Variants in CAMKMT observed in about 807,000 individuals in gnomAD.
The protein encoded by CAMKMT is calmodulin-lysine N-methyltransferase.
A neutral mutation model predicts 48.0 loss-of-function variants in CAMKMT; 53 were observed. The observed-to-expected ratio is 1.10, with a 90% CI of 0.89 to 1.39. The LOEUF (loss-of-function observed/expected upper bound fraction) is 1.39, where lower values mean the gene tolerates loss of function less well. Among genes scored for constraint, CAMKMT ranks in the 40% most tolerant of loss-of-function variants. The pLI, the probability that CAMKMT is intolerant of heterozygous loss-of-function variation, is 0.00. For synonymous variants in CAMKMT, 165 were observed against 152.3 expected, an observed-to-expected ratio of 1.08 and a Z score of -0.61; for missense variants, 428 against 402.7, an observed-to-expected ratio of 1.06 and a Z score of -0.54.
chr2:44,673,504 A>AGGAAGGAAGGAAGGAG (rs1675472794), intron 3 of CAMKMT, among the ~76,000 whole-genome samples: 1 of 143,960 alleles, frequency 6.9e-6, no homozygotes, highest in African/African-American at 2.6e-5. Context: ...GAAGGAAGGA[A>AGGAAGGAAGGAAGGAG]GGAAGGAAGG....
intron 3 of CAMKMT, among the ~76,000 whole-genome samples, chr2:44,612,707 T>C (rs2103901507): frequency 6.6e-6 from 1 of 152,346 alleles, no homozygotes; most frequent in African/African-American, 2.4e-5. Flanking sequence ...GATGAAAGGT[T>C]GATTCTGGAG....
chr2:44,478,565 A>G (rs912823436), intron 3 of CAMKMT, among the ~76,000 whole-genome samples: 6 of 152,224 alleles, frequency 3.9e-5, no homozygotes, highest in African/African-American at 1.2e-4. Context: ...AACATTTAAA[A>G]TGCTTTCAAA....
intron 6 of CAMKMT, 28 bp downstream of exon 6, chr2:44,707,490 T>G (rs1429272466): frequency 8.1e-6 from 13 of 1,595,688 alleles, no homozygotes; most frequent in Non-Finnish European, 1.0e-5. Context: ...GAAAACGGGT[T>G]TGTTGTGCTC....
At chr2:44,770,326 C>T (rs574861478) in intron 10 of CAMKMT, among the ~76,000 whole-genome samples, 4 of 152,240 alleles carry the variant, frequency 2.6e-5, no homozygotes, top group African/African-American at 7.2e-5. Flanking sequence ...ACAGGCAAGA[C>T]GGGGCTGGCC....
chr2:44,388,723 G>A (rs530279368), intron 2 of CAMKMT, among the ~76,000 whole-genome samples: 18 of 152,264 alleles, frequency 1.2e-4, no homozygotes, highest in African/African-American at 3.9e-4. Context: ...TACTCTCCCC[G>A]TTTTCCTATG....
At chr2:44,700,631 T>G (rs939078779) in intron 3 of CAMKMT, among the ~76,000 whole-genome samples, 2 of 152,206 alleles carry the variant, frequency 1.3e-5, no homozygotes, top group Non-Finnish European at 2.9e-5. Context: ...TGATTAAGTT[T>G]GCTAGCTATC....
rs145489852 is a variant in CAMKMT, at chr2:44,629,664, A to G, written c.377-74619A>G. Among the ~76,000 whole-genome samples, 292 of 152,116 alleles carry G rather than the reference A, an allele frequency of 1.9e-3. No homozygotes were observed. In the Middle Eastern group the frequency reaches 0.024, roughly 12 times the overall value. On this transcript the variant is annotated intron_variant, in intron 3 of 10. Transcript: ENST00000378494. ...TTCACAATTGCTTCAAAGAGAATAAAATACCTAGGAATCCACCTTACAATG... is the reference window on the plus strand; with the variant it reads ...TTCACAATTGCTTCAAAGAGAATAAGATACCTAGGAATCCACCTTACAATG...
rs188407680 is a variant in CAMKMT, at chr2:44,383,504, A to G, written c.312-6737A>G. Among the ~76,000 whole-genome samples the G allele has an allele frequency of 3.2e-3, 484 of 151,802 alleles. 2 individuals are homozygous for G. The highest frequency in any genetic ancestry group is 0.011 in the African/African-American group (466 of 41,356). ...AATTTCAATTTTCATTTTTTTCCATAAGTTATTGGGGTATAGGTGGTATTT... is the reference window on the plus strand; with the variant it reads ...AATTTCAATTTTCATTTTTTTCCATGAGTTATTGGGGTATAGGTGGTATTT... On this transcript the variant is annotated intron_variant, in intron 2 of 10. Coordinates refer to ENST00000378494, the MANE Select transcript of CAMKMT (RefSeq NM_024766.5).
intron 3 of CAMKMT, among the ~76,000 whole-genome samples, chr2:44,546,087 C>T (rs1667379201): frequency 6.7e-6 from 1 of 148,640 alleles, no homozygotes; most frequent in South Asian, 2.2e-4. Flanking sequence ...AGAGAGTTAT[C>T]TTTTGTCTAT....
chr2:44,535,447 A>G (rs1226865164), intron 3 of CAMKMT, among the ~76,000 whole-genome samples: 2 of 152,182 alleles, frequency 1.3e-5, no homozygotes, highest in East Asian at 1.9e-4. Context: ...AACAAAAACT[A>G]CAGGCCAATA....
chr2:44,705,307 C>G, intron 4 of CAMKMT: 1 of 982,088 alleles, frequency 1.0e-6, no homozygotes, highest in Non-Finnish European at 1.2e-6. Flanking sequence ...TGCTTTTTTT[C>G]TCCTCTTGAG....
At chr2:44,683,839 A>AG (rs1462033222) in intron 3 of CAMKMT, among the ~76,000 whole-genome samples, 7 of 148,854 alleles carry the variant, frequency 4.7e-5, no homozygotes, top group South Asian at 2.1e-4. Flanking sequence ...AAAAAAAAAA[A>AG]AAAAGAAAAA....
intron 3 of CAMKMT, chr2:44,631,686 T>A: frequency 2.5e-6 from 1 of 400,510 alleles, no homozygotes; most frequent in Non-Finnish European, 4.4e-6. Context: ...ATTGTACTGT[T>A]TAATTGAACT....
At chr2:44,596,012 G>T (rs1670633440) in intron 3 of CAMKMT, among the ~76,000 whole-genome samples, 1 of 151,888 alleles carries the variant, frequency 6.6e-6, no homozygotes, top group Admixed American at 6.6e-5. Flanking sequence ...GGGAGGAGTA[G>T]CATTAGGAGA....
At chr2:44,771,286 A>G (rs542394035) in intron 10 of CAMKMT, among the ~76,000 whole-genome samples, 17 of 152,334 alleles carry the variant, frequency 1.1e-4, no homozygotes, top group African/African-American at 1.7e-4. Context: ...CCAACTTCAA[A>G]AATATTAATT....
chr2:44,602,974 C>T (rs1572898136), intron 3 of CAMKMT, among the ~76,000 whole-genome samples: 1 of 152,058 alleles, frequency 6.6e-6, no homozygotes, highest in Middle Eastern at 3.4e-3. Flanking sequence ...GTATATTCCT[C>T]TCACCCAAGT....
intron 3 of CAMKMT, among the ~76,000 whole-genome samples, chr2:44,444,121 A>G (rs1485830922): frequency 6.6e-6 from 1 of 152,196 alleles, no homozygotes; most frequent in Non-Finnish European, 1.5e-5. Context: ...AAACTTTTCT[A>G]CACGTGTACT....
chr2:44,461,955 T>C (rs1667870377), intron 3 of CAMKMT, among the ~76,000 whole-genome samples: 1 of 152,180 alleles, frequency 6.6e-6, no homozygotes, highest in African/African-American at 2.4e-5. Flanking sequence ...GTATAATACC[T>C]GCTACCCTTG....
intron 3 of CAMKMT, among the ~76,000 whole-genome samples, chr2:44,398,552 TTTTTC>T (rs202031240): frequency 0.01 from 1,400 of 138,612 alleles, 18 homozygotes; most frequent in African/African-American, 0.035. Context: ...GTTTCTTTCT[TTTTTC>T]TTTTCTTTTC....
Sources: gnomAD v4.1 joint callset for allele counts (sites outside exome capture counted in the v4.1 genomes callset) on GRCh38, gnomAD v4.1.1 for gene constraint, MANE v1.5 for transcripts, NCBI Gene and HGNC (gene_info 2026-07-23, HGNC 2026-07-21) for gene names.